The following ERVW-1 variants were observed in gnomAD, a reference collection of about 807,000 sequenced individuals.
The protein encoded by ERVW-1 is endogenous retrovirus group W member 1, envelope, also known as syncytin-1.
In ERVW-1, 21 loss-of-function variants were observed where a neutral mutation model predicts 16.6. The observed-to-expected ratio is 1.26, with a 90% CI of 0.90 to 1.82. ERVW-1 has a LOEUF of 1.82. ERVW-1 is among the 40% of genes most tolerant of loss of function. The probability of loss-of-function intolerance (pLI) is 0.00; values close to 1 mark genes in which losing one functional copy is unlikely to be tolerated. For synonymous variants in ERVW-1, 161 were observed against 109.8 expected (o/e 1.47, Z -2.92); for missense variants, 412 against 300.2 (o/e 1.37, Z -2.75).
intron 1 of ERVW-1, chr7:92,474,594 C>T (rs538690928): frequency 6.6e-6 from 1 of 152,312 alleles, no homozygotes; most frequent in South Asian, 2.1e-4. Flanking sequence ...ATTCTCTTTC[C>T]TCTGTTGTCA....
rs1448504724 is a variant in ERVW-1 at position 92,469,909 on chromosome 7, A to C, written c.473T>G (p.Leu158Arg). 1 of 778,748 alleles carries C rather than the reference A, an allele frequency of 1.3e-6. No individual in the cohort carries two copies. Among genetic ancestry groups the C allele is most frequent in the Non-Finnish European group, 2.4e-6 (1 of 417,920 alleles). 48.2% of individuals were successfully genotyped at this position (778,748 alleles called of 1,614,324 possible). The stretch of plus-strand genomic sequence containing the variant: ...GCTTACCAGGCGAGTATGGGTACGG[A>C]GGGTTTCATGTAGTTTTGAGAGATC... Reference protein sequence around the residue: ...GLDLSKLHETLRTHTRLVSLF... With the variant: ...GLDLSKLHETRRTHTRLVSLF... The change falls in exon 2 of 2, where the codon CTC becomes CGC. Residue 158 changes from leucine to arginine, a missense_variant. Physicochemically the swap from Leu to Arg is moderately radical, Grantham distance 102 (BLOSUM62 -2). Transcript: ENST00000603053.
At chr7:92,476,789 G>A (rs182270694) in intron 1 of ERVW-1, among the ~76,000 whole-genome samples, 1 of 152,202 alleles carries the variant, frequency 6.6e-6, no homozygotes, top group African/African-American at 2.4e-5. Context: ...CATGTCAAGA[G>A]CTGTATGCCT....
chr7:92,469,164 A>G lies in ERVW-1; in HGVS notation c.1218T>C (p.Tyr406=), dbSNP rs75275313. Residue 406 remains tyrosine (Y), a synonymous_variant, in exon 2 of 2, where the codon TAT becomes TAC. Transcript: ENST00000603053. ...TGACGATTCCGGATTGATTAACATA[A>G]TAACAGCATTCTTCCCCTAAAAATA... ...TCLFLGEECC[Y]YVNQSGIVTE... 0.044 allele frequency: 31,325 copies of G among 708,748 alleles called. 2,119 individuals are homozygous for G. The highest frequency in any genetic ancestry group is 0.28 in the East Asian group (10,337 of 37,500). The allele number at this position is 708,748 out of a possible 1,614,324, so 43.9% of individuals were successfully genotyped here.
intron 1 of ERVW-1, chr7:92,471,888 CT>C (rs1790365415): frequency 6.6e-6 from 1 of 152,138 alleles, no homozygotes; most frequent in African/African-American, 2.4e-5. Flanking sequence ...TATATTTGCC[CT>C]TTTTTCTTCT....
intron 1 of ERVW-1, chr7:92,472,262 C>T (rs1281103953): frequency 6.6e-6 from 1 of 152,232 alleles, no homozygotes; most frequent in Non-Finnish European, 1.5e-5. Context: ...AGTTGTCTGA[C>T]AGCCACAAGT....
chr7:92,474,704 G>A (rs926551951), intron 1 of ERVW-1: 1 of 152,224 alleles, frequency 6.6e-6, no homozygotes, highest in African/African-American at 2.4e-5. Flanking sequence ...TGATTTAGCA[G>A]TGACATTATA....
rs1790198873 is a variant in ERVW-1 at position 92,468,965 on chromosome 7, CAAG to C, written c.1414_1416del (p.Leu472del). Reference sequence around the variant, plus strand: ...TCGATTCTGGAAGAGACAAAGTTAACAAGGAGGTTAAAGATACAGGGTCCAAAG... The same window carrying C: ...TCGATTCTGGAAGAGACAAAGTTAACGAGGTTAAAGATACAGGGTCCAAAG... On this transcript the variant is annotated inframe_deletion, in exon 2 of 2. Transcript: ENST00000603053. 2 of 763,384 alleles carry C rather than the reference CAAG, an allele frequency of 2.6e-6. No individual in the cohort carries two copies. The highest frequency in any genetic ancestry group is 1.7e-5 in the Admixed American group (1 of 58,986). The allele number at this position is 763,384 out of a possible 1,614,324, so 47.3% of individuals were successfully genotyped here.
chr7:92,471,506 G>A (rs117893851), intron 1 of ERVW-1: 9,924 of 152,278 alleles, frequency 0.065, 405 homozygotes, highest in Non-Finnish European at 0.087. Context: ...TAGCCGTCCC[G>A]AGGGGAGAAA....
rs752878342 is a variant in ERVW-1, at chr7:92,468,849, A to T, written c.1533T>A (p.Asp511Glu). Residue 511 changes from aspartate (D) to glutamate (E), a missense_variant, in exon 2 of 2, where the codon GAT (aspartate) becomes GAA (glutamate). Physicochemically the swap from Asp to Glu is conservative, Grantham distance 45 (BLOSUM62 2). Transcript: ENST00000603053. ...PLDRPASPRS[D>E]VNDIKGTPPE... ...GAGGGGTGCCTTTGATGTCATTAACATCAGATCGTGGGCTAGCAGGCCGGT... is the reference window on the plus strand; with the variant it reads ...GAGGGGTGCCTTTGATGTCATTAACTTCAGATCGTGGGCTAGCAGGCCGGT... 5.2e-6 allele frequency: 4 copies of T among 764,512 alleles called. No individual in the cohort carries two copies. The highest frequency in any genetic ancestry group is 7.2e-6 in the Non-Finnish European group (3 of 417,858). The allele number at this position is 764,512 out of a possible 1,614,324, so 47.4% of individuals were successfully genotyped here.
At chr7:92,471,292 G>GCTAT (rs1385132148) in intron 1 of ERVW-1, 1 of 164,430 alleles carries the variant, frequency 6.1e-6, no homozygotes, top group African/African-American at 2.4e-5. Flanking sequence ...AAGGAGCTTG[G>GCTAT]CGATAAGGCA....
intron 1 of ERVW-1, among the ~76,000 whole-genome samples, chr7:92,473,709 C>A (rs1423722640): frequency 6.6e-6 from 1 of 151,836 alleles, no homozygotes; most frequent in Admixed American, 6.6e-5. Flanking sequence ...GACTGCCCGT[C>A]TTAGGACCCC....
intron 1 of ERVW-1, among the ~76,000 whole-genome samples, chr7:92,475,562 G>C (rs1003731361): frequency 6.6e-6 from 1 of 151,874 alleles, no homozygotes; most frequent in African/African-American, 2.4e-5. Context: ...CATTGCCTTT[G>C]TGCTCAGGGG....
intron 1 of ERVW-1, among the ~76,000 whole-genome samples, chr7:92,475,993 A>T (rs1585194837): frequency 6.6e-6 from 1 of 152,294 alleles, no homozygotes; most frequent in African/African-American, 2.4e-5. Context: ...CTGCTTCCAC[A>T]AGAGTCCCCG....
chr7:92,470,660 G>A (rs1790311280), intron 1 of ERVW-1, 52 bp from the exon 2 acceptor site: 1 of 309,550 alleles, frequency 3.2e-6, no homozygotes, highest in African/African-American at 2.2e-5. Flanking sequence ...ATGTCACAAG[G>A]GTGGAATAGT....
At position 92,469,953 on chromosome 7, in the gene ERVW-1, A is replaced by G. The variant is rs780932802; in HGVS notation, c.429T>C (p.Ser143=). 1.3e-6 allele frequency: 1 copy of G among 777,772 alleles called. No individual in the cohort carries two copies. Among genetic ancestry groups the G allele is most frequent in the Non-Finnish European group, 2.4e-6 (1 of 417,350 alleles). 48.2% of individuals were successfully genotyped at this position (777,772 alleles called of 1,614,324 possible). The change falls in exon 2 of 2, where the codon TCT becomes TCC. Residue 143 remains serine (S), a synonymous_variant. Transcript: ENST00000603053. The part of the protein sequence containing the change: ...ISQLTRVHGT[S]SPYKGLDLSK... ...AGAGATCTAGTCCTTTGTAGGGGCT[A>G]GAGGTGCCATGTACCCGGGTGAGTT...
At position 92,470,481 on chromosome 7, in the gene ERVW-1, A is replaced by T. The variant is rs1790303952; in HGVS notation, c.-100T>A. On this transcript the variant is annotated 5_prime_UTR_variant, in exon 2 of 2. Coordinates refer to ENST00000603053, the MANE Select transcript of ERVW-1 (RefSeq NM_001130925.2). ...AGGAATAGCTAGCGTTGTCTCCTGGATTTTCAGGTTCCTTTGGCAGTATCC... is the reference window on the plus strand; with the variant it reads ...AGGAATAGCTAGCGTTGTCTCCTGGTTTTTCAGGTTCCTTTGGCAGTATCC... 1.7e-6 allele frequency: 1 copy of T among 598,734 alleles called. No homozygotes were observed. Among genetic ancestry groups the T allele is most frequent in the Non-Finnish European group, 3.0e-6 (1 of 333,624 alleles). 37.1% of individuals were successfully genotyped at this position (598,734 alleles called of 1,614,324 possible).
intron 1 of ERVW-1, chr7:92,473,040 G>C (rs1790408364): frequency 6.6e-6 from 1 of 152,164 alleles, no homozygotes; most frequent in Non-Finnish European, 1.5e-5. Flanking sequence ...GAACCCTTGG[G>C]GTAAAATAGT....
At chr7:92,474,183 C>A (rs1790451686) in intron 1 of ERVW-1, among the ~76,000 whole-genome samples, 1 of 152,112 alleles carries the variant, frequency 6.6e-6, no homozygotes, top group Non-Finnish European at 1.5e-5. Context: ...CCGCCTGCTC[C>A]TCCTGATCTC....
rs778732693 is a variant in ERVW-1, at chr7:92,470,187, G to A, written c.195C>T (p.His65=). Residue 65 remains histidine, a synonymous_variant, in exon 2 of 2, where the codon CAC becomes CAT. Coordinates refer to ENST00000603053, the MANE Select transcript of ERVW-1 (RefSeq NM_001130925.2). ...LSKGTPTFTA[H]THMPRNCYHS... Reference sequence around the variant, plus strand: ...GATAGCAGTTGCGGGGCATATGGGTGTGGGCAGTGAAGGTGGGGGTTCCCT... The same window carrying A: ...GATAGCAGTTGCGGGGCATATGGGTATGGGCAGTGAAGGTGGGGGTTCCCT... The A allele has an allele frequency of 2.6e-6, 2 of 778,742 alleles. No homozygotes were observed. Among genetic ancestry groups the A allele is most frequent in the South Asian group, 1.3e-5 (1 of 74,512 alleles). 48.2% of individuals were successfully genotyped at this position (778,742 alleles called of 1,614,324 possible). A position where few individuals can be genotyped will look rare whatever the true frequency, so the allele number is the denominator to read the frequency against.
Sources: gnomAD v4.1 joint callset for allele counts (sites outside exome capture counted in the v4.1 genomes callset) on GRCh38, gnomAD v4.1.1 for gene constraint, MANE v1.5 for transcripts, NCBI Gene and HGNC (gene_info 2026-07-23, HGNC 2026-07-21) for gene names.